GRIK2: variants seen among roughly 807,000 people sequenced by gnomAD.
GRIK2 encodes glutamate ionotropic receptor kainate type subunit 2.
In GRIK2, 32 loss-of-function variants were observed where a neutral mutation model predicts 100.3. The ratio of observed to expected loss-of-function variants is 0.32; its 90% CI spans 0.24 to 0.43. GRIK2 has a LOEUF of 0.43. Ranked by LOEUF, GRIK2 falls within the 20% of genes least tolerant of loss-of-function variation. The probability of loss-of-function intolerance (pLI) is 1.00; values close to 1 mark genes in which losing one functional copy is unlikely to be tolerated. For synonymous variants in GRIK2, 417 were observed against 389.4 expected (o/e 1.07, Z -0.83); for missense variants, 843 against 1,114.9 (o/e 0.76, Z 3.47).
intron 15 of GRIK2, among the ~76,000 whole-genome samples, chr6:102,041,223 G>A (rs746077944): frequency 6.6e-6 from 1 of 151,600 alleles, no homozygotes; most frequent in Non-Finnish European, 1.5e-5. Flanking sequence ...TATTGTAAAT[G>A]TTGACCAAAT....
chr6:101,722,704 A>G (rs985500919), intron 7 of GRIK2, among the ~76,000 whole-genome samples: 6 of 152,092 alleles, frequency 3.9e-5, no homozygotes, highest in Non-Finnish European at 8.8e-5. Context: ...TTGTTAGGCA[A>G]GATGAGGACC....
chr6:101,747,862 TG>T (rs79847704), intron 7 of GRIK2, among the ~76,000 whole-genome samples: 5,773 of 152,190 alleles, frequency 0.038, 202 homozygotes, highest in East Asian at 0.12. Flanking sequence ...ACTTTATCTT[TG>T]GGTATTATTT....
intron 1 of GRIK2, among the ~76,000 whole-genome samples, chr6:101,396,068 A>G (rs1774992861): frequency 6.6e-6 from 1 of 152,202 alleles, no homozygotes; most frequent in Non-Finnish European, 1.5e-5. Flanking sequence ...GGTTAAATCT[A>G]GTCAGTGAAA....
At chr6:101,948,594 T>G (rs990903258) in intron 14 of GRIK2, among the ~76,000 whole-genome samples, 1 of 150,294 alleles carries the variant, frequency 6.7e-6, no homozygotes, top group Admixed American at 6.7e-5. Flanking sequence ...ACAATATATA[T>G]GCAAGCAGAT....
chr6:101,445,123 C>G (rs1028004480), intron 2 of GRIK2, among the ~76,000 whole-genome samples: 5 of 152,102 alleles, frequency 3.3e-5, no homozygotes, highest in African/African-American at 1.2e-4. Context: ...CCTTGATCTG[C>G]ACTATCCTAC....
At chr6:102,011,903 T>C (rs907800932) in intron 14 of GRIK2, among the ~76,000 whole-genome samples, 1 of 152,160 alleles carries the variant, frequency 6.6e-6, no homozygotes, top group Non-Finnish European at 1.5e-5. Context: ...ATTTCTTTTA[T>C]GGATAATGCT....
rs199888236 is a variant in GRIK2, at chr6:101,881,681, TA to T, written c.1525-7945del. On this transcript the variant is annotated intron_variant, in intron 11 of 16. Coordinates refer to ENST00000369134, the MANE Select transcript of GRIK2 (RefSeq NM_021956.5). Reference sequence around the variant, plus strand: ...GTGCAACATTATCAGAACACATCTCTAAAAAAAAAAAAAATAGAAAAATTGG... The same window carrying T: ...GTGCAACATTATCAGAACACATCTCTAAAAAAAAAAAAATAGAAAAATTGG... Among the ~76,000 whole-genome samples, 1,166 of 138,554 alleles carry T rather than the reference TA, an allele frequency of 8.4e-3. 7 individuals are homozygous for T. The highest frequency in any genetic ancestry group is 0.019 in the African/African-American group (731 of 37,956). The allele number at this position is 138,554 out of a possible 152,430, so 90.9% of individuals were successfully genotyped here. A position where few individuals can be genotyped will look rare whatever the true frequency, so the allele number is the denominator to read the frequency against.
intron 7 of GRIK2, among the ~76,000 whole-genome samples, chr6:101,754,222 T>G (rs553453436): frequency 6.6e-6 from 1 of 152,340 alleles, no homozygotes; most frequent in Admixed American, 6.5e-5. Flanking sequence ...AGTATTCATA[T>G]GATGTAATTA....
rs1002752254 is a variant in GRIK2 at position 101,583,923 on chromosome 6, C to T, written c.116-38026C>T. 4.8e-4 allele frequency among the ~76,000 whole-genome samples: 73 copies of T among 152,068 alleles called. No individual in the cohort carries two copies. The Middle Eastern group carries it at 0.01, about 21-fold the overall frequency. On this transcript the variant is annotated intron_variant, in intron 2 of 16. Coordinates refer to ENST00000369134, the MANE Select transcript of GRIK2 (RefSeq NM_021956.5). Reference sequence around the variant, plus strand: ...AAATTAAAAGCAGCTTTGATGTGAACAAAAGCTTTTTTAATATGGCAGATT... The same window carrying T: ...AAATTAAAAGCAGCTTTGATGTGAATAAAAGCTTTTTTAATATGGCAGATT...
intron 2 of GRIK2, among the ~76,000 whole-genome samples, chr6:101,487,092 T>A (rs1198687293): frequency 2.0e-5 from 3 of 146,822 alleles, no homozygotes; most frequent in African/African-American, 5.2e-5. Flanking sequence ...GACTACTTAC[T>A]GTGCCTTTGA....
At position 101,838,590 on chromosome 6, in the gene GRIK2, C is replaced by T. The variant is rs146190884; in HGVS notation, c.1317+20107C>T. Reference sequence around the variant, plus strand: ...CTGCAATTTTTCCATTTCAAGAGTTCATTTATTTTAAACATAATTCATTAC... The same window carrying T: ...CTGCAATTTTTCCATTTCAAGAGTTTATTTATTTTAAACATAATTCATTAC... On this transcript the variant is annotated intron_variant, in intron 10 of 16. Coordinates refer to ENST00000369134, the MANE Select transcript of GRIK2 (RefSeq NM_021956.5). 1.2e-3 allele frequency among the ~76,000 whole-genome samples: 179 copies of T among 151,918 alleles called. 1 individual carries two copies. The highest frequency in any genetic ancestry group is 4.0e-3 in the African/African-American group (167 of 41,414).
chr6:101,791,725 G>A (rs1036351508), intron 7 of GRIK2, among the ~76,000 whole-genome samples: 4 of 151,958 alleles, frequency 2.6e-5, no homozygotes, highest in East Asian at 1.9e-4. Flanking sequence ...TATTAGGTCC[G>A]CTTGGTGCAG....
intron 16 of GRIK2, 97 bp downstream of exon 16, chr6:102,055,677 T>C (rs1771429197): frequency 1.3e-6 from 1 of 761,166 alleles, no homozygotes; most frequent in Non-Finnish European, 2.2e-6. Flanking sequence ...CTAATGATAA[T>C]GCATAGAACT....
intron 7 of GRIK2, among the ~76,000 whole-genome samples, chr6:101,698,042 A>G (rs372531035): frequency 6.6e-6 from 1 of 152,134 alleles, no homozygotes; most frequent in East Asian, 1.9e-4. Flanking sequence ...CTGAATAAGA[A>G]TGCAACTGTG....
intron 4 of GRIK2, among the ~76,000 whole-genome samples, chr6:101,658,473 T>A (rs564399575): frequency 6.6e-6 from 1 of 152,194 alleles, no homozygotes; most frequent in Admixed American, 6.5e-5. Context: ...TTTGGGTTGG[T>A]TCCAAGTCTT....
At chr6:101,545,326 A>G (rs944733997) in intron 2 of GRIK2, among the ~76,000 whole-genome samples, 23 of 152,292 alleles carry the variant, frequency 1.5e-4, no homozygotes, top group Admixed American at 5.2e-4. Context: ...AAACAAAGCC[A>G]GTGCTTCTTA....
In GRIK2 at chr6:101,399,826, T is replaced by G. The variant is rs1361366842; in HGVS notation, c.115+434T>G. ...TGGTAACTCTTTGGCGAGTTGCGCC[T>G]GTCCGCTTCCGCCAGTGACCAGGGC... On this transcript the variant is annotated intron_variant, in intron 2 of 16. Coordinates refer to ENST00000369134, the MANE Select transcript of GRIK2 (RefSeq NM_021956.5). 1.6e-4 allele frequency among the ~76,000 whole-genome samples: 24 copies of G among 152,366 alleles called. 1 individual carries two copies. The highest frequency in any genetic ancestry group is 1.6e-3 in the Admixed American group (24 of 15,312).
intron 10 of GRIK2, among the ~76,000 whole-genome samples, chr6:101,853,694 C>A (rs1784265701): frequency 6.6e-6 from 1 of 152,176 alleles, no homozygotes; most frequent in Admixed American, 6.5e-5. Flanking sequence ...CCAAAATTTT[C>A]TCCAGTGGGT....
chr6:101,989,232 C>G (rs1794223436), intron 14 of GRIK2, among the ~76,000 whole-genome samples: 2 of 151,282 alleles, frequency 1.3e-5, no homozygotes, highest in African/African-American at 4.9e-5. Flanking sequence ...TGAAATGAAG[C>G]AACATTAGGG....
Sources: allele counts gnomAD v4.1 joint callset (sites outside exome capture counted in the v4.1 genomes callset), GRCh38; gene constraint gnomAD v4.1.1; transcripts MANE v1.5; gene names NCBI Gene and HGNC (gene_info 2026-07-23, HGNC 2026-07-21).